MAP4: variants seen among roughly 807,000 people sequenced by gnomAD.
MAP4 encodes microtubule associated protein 4.
MAP4 carries 76 observed loss-of-function variants against 170.2 expected under a neutral mutation model. That is an observed-to-expected ratio of 0.45 (90% confidence interval 0.37 to 0.54). MAP4 has a LOEUF of 0.54. Ranked by LOEUF, MAP4 falls within the 20% of genes least tolerant of loss-of-function variation. MAP4 has a pLI of 0.00. For missense variants in MAP4, 2,506 were observed against 2,748.0 expected, an observed-to-expected ratio of 0.91 and a Z score of 1.97; for synonymous variants, 909 against 994.5, an observed-to-expected ratio of 0.91 and a Z score of 1.62.
At chr3:47,904,554 T>C (rs1371758710) in intron 9 of MAP4, among the ~76,000 whole-genome samples, 1 of 151,250 alleles carries the variant, frequency 6.6e-6, no homozygotes, top group Non-Finnish European at 1.5e-5. Flanking sequence ...TCAGGTGATC[T>C]GCTGCGCCTG....
intron 10 of MAP4, among the ~76,000 whole-genome samples, chr3:47,887,704 T>G (rs1402708075): frequency 6.6e-6 from 1 of 152,246 alleles, no homozygotes; most frequent in Non-Finnish European, 1.5e-5. Context: ...AGTCTTTATA[T>G]CTACCTCAGG....
At chr3:47,959,522 C>T (rs890103574) in intron 3 of MAP4, among the ~76,000 whole-genome samples, 12 of 151,430 alleles carry the variant, frequency 7.9e-5, no homozygotes, top group African/African-American at 2.9e-4. Context: ...TTTGGGAGGC[C>T]GAGGTGGGCA....
intron 2 of MAP4, among the ~76,000 whole-genome samples, chr3:47,983,534 G>A (rs779453349): frequency 5.3e-5 from 8 of 151,900 alleles, no homozygotes; most frequent in Non-Finnish European, 1.2e-4. Context: ...CTACAGGCAT[G>A]TGCCACCATG....
chr3:48,087,745 GCACACACACACACA>G (rs1171639123), intron 1 of MAP4, among the ~76,000 whole-genome samples: 16 of 105,614 alleles, frequency 1.5e-4, no homozygotes, highest in African/African-American at 4.8e-4. Context: ...ACACGCACGC[GCACACACACACACA>G]CACACACACA....
intron 17 of MAP4, among the ~76,000 whole-genome samples, chr3:47,860,292 C>G (rs2063454637): frequency 1.3e-5 from 2 of 152,230 alleles, no homozygotes; most frequent in Admixed American, 1.3e-4. Context: ...TCACTGTAGC[C>G]TCAACCTCCC....
intron 1 of MAP4, among the ~76,000 whole-genome samples, chr3:48,076,961 A>T (rs2100144239): frequency 6.6e-6 from 1 of 151,578 alleles, no homozygotes; most frequent in Non-Finnish European, 1.5e-5. Flanking sequence ...GGGCAATATA[A>T]GGAGACCCCA....
At chr3:47,864,267 C>A (rs1450545151) in intron 17 of MAP4, among the ~76,000 whole-genome samples, 1 of 152,086 alleles carries the variant, frequency 6.6e-6, no homozygotes, top group Non-Finnish European at 1.5e-5. Flanking sequence ...TGGGACTGGG[C>A]GCAGTAGCTC....
At chr3:48,005,147 G>C (rs967648984) in intron 1 of MAP4, among the ~76,000 whole-genome samples, 1 of 152,138 alleles carries the variant, frequency 6.6e-6, no homozygotes, top group Non-Finnish European at 1.5e-5. Context: ...GGATCACGAG[G>C]TCAGGAGTTC....
intron 9 of MAP4, among the ~76,000 whole-genome samples, chr3:47,906,317 T>C (rs1451976356): frequency 6.6e-6 from 1 of 152,002 alleles, no homozygotes; most frequent in Non-Finnish European, 1.5e-5. Flanking sequence ...TGACATCCTA[T>C]AGATACAAAG....
intron 12 of MAP4, 113 bp downstream of exon 12, chr3:47,875,572 C>G (rs762091742): frequency 1.9e-6 from 2 of 1,031,344 alleles, no homozygotes; most frequent in Non-Finnish European, 2.9e-6. Flanking sequence ...TTTCCCTTGC[C>G]TTTTCCCAAT....
intron 3 of MAP4, among the ~76,000 whole-genome samples, chr3:47,933,069 A>AT (rs931518125): frequency 2.0e-5 from 3 of 151,600 alleles, no homozygotes; most frequent in African/African-American, 7.3e-5. Flanking sequence ...CACCTGGCTA[A>AT]TTTTTTTTTA....
intron 7 of MAP4, among the ~76,000 whole-genome samples, chr3:47,915,553 A>G (rs1260552904): frequency 1.3e-5 from 2 of 152,240 alleles, no homozygotes; most frequent in East Asian, 3.8e-4. Context: ...AGTAGGAAAG[A>G]GGAGATGGAA....
intron 1 of MAP4, 46 bp from the exon 2 acceptor site, chr3:47,998,925 G>C: frequency 9.6e-7 from 1 of 1,041,374 alleles, no homozygotes; most frequent in Non-Finnish European, 1.5e-6. Context: ...CACTGCAAAA[G>C]GAAAAACATT....
At chr3:48,080,746 T>C (rs986285558) in intron 1 of MAP4, among the ~76,000 whole-genome samples, 1 of 152,040 alleles carries the variant, frequency 6.6e-6, no homozygotes, top group African/African-American at 2.4e-5. Flanking sequence ...TTTGGGAGGC[T>C]GAGGCAGGCG....
At chr3:47,917,565 G>A (rs1432141615) in intron 6 of MAP4, among the ~76,000 whole-genome samples, 3 of 144,032 alleles carry the variant, frequency 2.1e-5, no homozygotes, top group African/African-American at 7.8e-5. Context: ...CAGCCTGGGG[G>A]ACAGGGCAAG....
At position 47,998,747 on chromosome 3, in the gene MAP4, CACA is replaced by C; in HGVS notation, c.111_113del (p.Val38del). 6.8e-6 allele frequency: 11 copies of C among 1,614,022 alleles called. No individual in the cohort carries two copies. Among genetic ancestry groups the C allele is most frequent in the Non-Finnish European group, 9.3e-6 (11 of 1,179,906 alleles). On this transcript the variant is annotated inframe_deletion, in exon 2 of 21. Coordinates refer to ENST00000683076, the MANE Select transcript of MAP4 (RefSeq NM_001385682.1). ...AGTCTGTTTTTCCAACAGTTTCTCC[CACA>C]ACATCATCAAAGGCCTCTGCCTCTA...
In MAP4 at chr3:47,853,338, G is replaced by A. The variant is rs1162626604; in HGVS notation, c.6711C>T (p.Gly2237=). Residue 2237 remains glycine, a synonymous_variant, in exon 20 of 21, where the codon GGC becomes GGT. Coordinates refer to ENST00000683076, the MANE Select transcript of MAP4 (RefSeq NM_001385682.1). The part of the protein sequence containing the change: ...AGGAVKTEGG[G]SEAPLCPGPP... ...GACCCGGACACAGAGGAGCCTCGCT[G>A]CCACCGCCCTCAGTCTACAATGAAA... is the stretch of plus-strand genomic sequence containing the variant. 3 of 1,607,212 alleles carry A rather than the reference G, an allele frequency of 1.9e-6. No individual in the cohort carries two copies. The highest frequency in any genetic ancestry group is 2.5e-6 in the Non-Finnish European group (3 of 1,178,298).
rs2100043044 is a variant in MAP4, at chr3:47,921,846, C to A, written c.448G>T (p.Ala150Ser). ...PFKMYHDDDL[A>S]DLVFPSSATA... Reference sequence around the variant, plus strand: ...GCACTGGAGGGAAAGACCAAATCTGCCAGGTCATCATCATGGTACATCTTA... The same window carrying A: ...GCACTGGAGGGAAAGACCAAATCTGACAGGTCATCATCATGGTACATCTTA... The change falls in exon 5 of 21, where the codon GCA (alanine) becomes TCA (serine). Residue 150 changes from alanine to serine, a missense_variant. Coordinates refer to ENST00000683076, the MANE Select transcript of MAP4 (RefSeq NM_001385682.1). 6.2e-7 allele frequency: 1 copy of A among 1,601,174 alleles called. No homozygotes were observed. The highest frequency in any genetic ancestry group is 8.6e-7 in the Non-Finnish European group (1 of 1,168,296).
At position 48,052,469 on chromosome 3, in the gene MAP4, G is replaced by A. The variant is rs574890096; in HGVS notation, c.-20+36304C>T. Reference sequence around the variant, plus strand: ...ACTCCTGGCCTCAAGTGATCTACCCGCCTCAGCATCCCAAAGTGCTGGGAT... The same window carrying A: ...ACTCCTGGCCTCAAGTGATCTACCCACCTCAGCATCCCAAAGTGCTGGGAT... On this transcript the variant is annotated intron_variant, in intron 1 of 18. Coordinates refer to the MAP4 transcript ENST00000360240. Among the ~76,000 whole-genome samples, 14 of 152,204 alleles carry A rather than the reference G, an allele frequency of 9.2e-5. No individual in the cohort carries two copies. The East Asian group carries it at 1.2e-3, about 13-fold the overall frequency.
Sources: gnomAD v4.1 joint callset for allele counts (sites outside exome capture counted in the v4.1 genomes callset) on GRCh38, gnomAD v4.1.1 for gene constraint, MANE v1.5 for transcripts, NCBI Gene and HGNC (gene_info 2026-07-23, HGNC 2026-07-21) for gene names.